Variants in SLC35E1 observed in about 807,000 individuals in gnomAD.
The protein encoded by SLC35E1 is solute carrier family 35, member E1.
A neutral mutation model predicts 31.0 loss-of-function variants in SLC35E1; 12 were observed. The observed-to-expected ratio is 0.39, with a 90% CI of 0.25 to 0.63. SLC35E1 has a LOEUF of 0.63. SLC35E1 is among the 20% of genes least tolerant of loss of function. The pLI, the probability that SLC35E1 is intolerant of heterozygous loss-of-function variation, is 0.52. For synonymous variants in SLC35E1, 257 were observed against 264.1 expected (o/e 0.97, Z 0.26); for missense variants, 429 against 572.2 (o/e 0.75, Z 2.55).
rs2085839693 is a variant in SLC35E1, at chr19:16,550,498, A to C, written c.*3181T>G. The C allele has an allele frequency of 6.6e-6, 1 of 152,344 alleles. No homozygotes were observed. Among genetic ancestry groups the C allele is most frequent in the African/African-American group, 2.4e-5 (1 of 41,456 alleles). The allele number at this position is 152,344 out of a possible 1,614,324, so 9.4% of individuals were successfully genotyped here. On this transcript the variant is annotated 3_prime_UTR_variant, in exon 6 of 6. Coordinates refer to ENST00000595753, the MANE Select transcript of SLC35E1 (RefSeq NM_024881.5). ...GTCATCCTAGCACTTTGGGAGGCCA[A>C]GGTGGGCGGATCATTTGAGGCCAGG...
At position 16,566,627 on chromosome 19, in the gene SLC35E1, G is replaced by A. The variant is rs2085933940; in HGVS notation, c.661C>T (p.Arg221Trp). 1.9e-6 allele frequency: 3 copies of A among 1,612,524 alleles called. No individual in the cohort carries two copies. Among genetic ancestry groups the A allele is most frequent in the South Asian group, 1.1e-5 (1 of 91,006 alleles). The change falls in exon 4 of 6, where the codon CGG becomes TGG. Residue 221 changes from arginine to tryptophan, a missense_variant. Physicochemically the swap from Arg to Trp is moderately radical, Grantham distance 101. Transcript: ENST00000595753. ...TGGCAGCCCAGGATGTTGAGCAGCC[G>A]GAGATGGTGGATCCGTGAATCTCGC... ...VLRDSRIHHLRLLNILGCHAV... is the reference protein window; with the variant it reads ...VLRDSRIHHLWLLNILGCHAV...
intron 4 of SLC35E1, among the ~76,000 whole-genome samples, chr19:16,558,775 T>C (rs1034767630): frequency 6.6e-6 from 1 of 150,514 alleles, no homozygotes. Context: ...TTGAGTTTTT[T>C]TTTTTTTTTT....
chr19:16,553,825 T>C lies in SLC35E1; in HGVS notation c.1087A>G (p.Ser363Gly). Residue 363 changes from serine (S) to glycine (G), a missense_variant, in exon 6 of 6, where the codon AGC becomes GGC. Coordinates refer to ENST00000595753, the MANE Select transcript of SLC35E1 (RefSeq NM_024881.5). Reference protein sequence around the residue: ...ADLSSKERHRSPLEKPHNGLL... With the variant: ...ADLSSKERHRGPLEKPHNGLL... The stretch of plus-strand genomic sequence containing the variant: ...CCGTTGTGGGGCTTCTCCAGTGGGC[T>C]CCGGTGACGCTCCTTGCTGCTCAGG... 1 of 1,614,046 alleles carries C rather than the reference T, an allele frequency of 6.2e-7. No individual in the cohort carries two copies. The highest frequency in any genetic ancestry group is 8.5e-7 in the Non-Finnish European group (1 of 1,179,980).
intron 2 of SLC35E1, 115 bp from the exon 3 acceptor site, chr19:16,568,284 A>C: frequency 7.6e-7 from 1 of 1,319,632 alleles, no homozygotes; most frequent in Admixed American, 2.7e-5. Flanking sequence ...ACCACCTAAC[A>C]CTTTGAAAGT....
chr19:16,566,395 G>T, intron 4 of SLC35E1, 137 bp downstream of exon 4: 5 of 1,169,674 alleles, frequency 4.3e-6, no homozygotes, highest in Non-Finnish European at 6.0e-6. Flanking sequence ...CATTACAGAG[G>T]ACTGACTGCT....
At chr19:16,566,365 C>A in intron 4 of SLC35E1, 167 bp downstream of exon 4, 1 of 841,246 alleles carries the variant, frequency 1.2e-6, no homozygotes, top group Non-Finnish European at 1.8e-6. Context: ...TCCTCGATGG[C>A]GTGCATCGTC....
rs1293120344 is a variant in SLC35E1, at chr19:16,553,192, A to G, written c.*487T>C. 6.6e-6 allele frequency: 1 copy of G among 152,396 alleles called. No homozygotes were observed. 9.4% of individuals were successfully genotyped at this position (152,396 alleles called of 1,614,324 possible). A position where few individuals can be genotyped will look rare whatever the true frequency, so the allele number is the denominator to read the frequency against. ...TCTGCTTGGTGACCCTGTTGGTCCT[A>G]TGCGTATCTGCGCCAGGGAATTAAA... On this transcript the variant is annotated 3_prime_UTR_variant, in exon 6 of 6. Transcript: ENST00000595753.
chr19:16,560,659 C>A (rs1296365717), intron 4 of SLC35E1, among the ~76,000 whole-genome samples: 1 of 151,946 alleles, frequency 6.6e-6, no homozygotes, highest in Non-Finnish European at 1.5e-5. Context: ...GTCAGGAGTT[C>A]GAGACCAGCC....
chr19:16,558,523 G>A (rs2085888049), intron 4 of SLC35E1, among the ~76,000 whole-genome samples: 1 of 151,850 alleles, frequency 6.6e-6, no homozygotes, highest in Non-Finnish European at 1.5e-5. Context: ...TTTTAGTAGA[G>A]GAGGAGTTTC....
At chr19:16,562,453 A>G (rs2085911653) in intron 4 of SLC35E1, among the ~76,000 whole-genome samples, 1 of 152,232 alleles carries the variant, frequency 6.6e-6, no homozygotes, top group African/African-American at 2.4e-5. Flanking sequence ...AAATCTACAG[A>G]TATTCAAGTC....
chr19:16,572,219 T>C lies in SLC35E1; in HGVS notation c.146A>G (p.Lys49Arg). The C allele has an allele frequency of 6.5e-7, 1 of 1,528,150 alleles. No individual in the cohort carries two copies. Among genetic ancestry groups the C allele is most frequent in the Non-Finnish European group, 8.8e-7 (1 of 1,136,766 alleles). 94.7% of individuals were successfully genotyped at this position (1,528,150 alleles called of 1,614,324 possible). Residue 49 changes from lysine to arginine, a missense_variant, in exon 1 of 6, where the codon AAG becomes AGG. Transcript: ENST00000595753. This position sits in a 1 kb window ranked among gnomAD's most constrained non-coding sequence, Gnocchi z 4.1. Reference protein sequence around the residue: ...ALSAGGNVVNKVILSAFPFPV... With the variant: ...ALSAGGNVVNRVILSAFPFPV... Reference sequence around the variant, plus strand: ...GAACGGGAAGGCGCTCAGGATCACCTTGTTGACCACGTTGCCGCCCGCGCT... The same window carrying C: ...GAACGGGAAGGCGCTCAGGATCACCCTGTTGACCACGTTGCCGCCCGCGCT...
intron 1 of SLC35E1, 109 bp from the exon 2 acceptor site, chr19:16,571,691 C>T: frequency 8.1e-7 from 1 of 1,227,000 alleles, no homozygotes; most frequent in South Asian, 1.2e-5. Context: ...CACCTCTTCG[C>T]CCCTTCTCTT....
chr19:16,571,386 A>G (rs1027578061), intron 2 of SLC35E1, 126 bp downstream of exon 2: 10 of 945,400 alleles, frequency 1.1e-5, no homozygotes, highest in Non-Finnish European at 1.7e-5. Context: ...AGACCTCTAC[A>G]CTGACTTCCC....
Position 16,572,269 on chromosome 19 carries a change from C to T in SLC35E1, c.96G>A (p.Ala32=). The T allele has an allele frequency of 6.7e-7, 1 of 1,499,776 alleles. No homozygotes were observed. Among genetic ancestry groups the T allele is most frequent in the South Asian group, 1.3e-5 (1 of 79,724 alleles). The allele number at this position is 1,499,776 out of a possible 1,614,324, so 92.9% of individuals were successfully genotyped here. A position where few individuals can be genotyped will look rare whatever the true frequency, so the allele number is the denominator to read the frequency against. The change falls in exon 1 of 6, where the codon GCG becomes GCA. Residue 32 remains alanine, a synonymous_variant. Coordinates refer to ENST00000595753, the MANE Select transcript of SLC35E1 (RefSeq NM_024881.5). This position sits in a 1 kb window ranked among gnomAD's most constrained non-coding sequence, Gnocchi z 4.1. ...TCAGCGCGTACCACAGCAGGCACAGCGCCGCCACCCGCGCGCCCTCGCGCG... is the reference window on the plus strand; with the variant it reads ...TCAGCGCGTACCACAGCAGGCACAGTGCCGCCACCCGCGCGCCCTCGCGCG... ...GGAREGARVA[A]LCLLWYALSA...
Position 16,553,606 on chromosome 19 carries a change from T to C in SLC35E1, c.*73A>G, listed in dbSNP as rs774836527. ...TCGGCTGGGTTGTACATTCACTGAT[T>C]GTCAGAAGTTTCTGATACTGCTGTG... On this transcript the variant is annotated 3_prime_UTR_variant, in exon 6 of 6. Transcript: ENST00000595753. The C allele has an allele frequency of 7.6e-7, 1 of 1,322,562 alleles. No individual in the cohort carries two copies. The highest frequency in any genetic ancestry group is 1.0e-6 in the Non-Finnish European group (1 of 983,890). The allele number at this position is 1,322,562 out of a possible 1,614,324, so 81.9% of individuals were successfully genotyped here.
At chr19:16,570,287 G>T (rs1171348956) in intron 2 of SLC35E1, among the ~76,000 whole-genome samples, 1 of 152,170 alleles carries the variant, frequency 6.6e-6, no homozygotes, top group African/African-American at 2.4e-5. Flanking sequence ...ACATCACCCT[G>T]GGGGAGCAGG....
chr19:16,570,950 T>G (rs953961661), intron 2 of SLC35E1, among the ~76,000 whole-genome samples: 2 of 151,868 alleles, frequency 1.3e-5, no homozygotes, highest in Non-Finnish European at 2.9e-5. Context: ...ACAAAAAAAT[T>G]AGCCAGGTGT....
At chr19:16,562,105 TTAC>T (rs1184638236) in intron 4 of SLC35E1, among the ~76,000 whole-genome samples, 11 of 149,848 alleles carry the variant, frequency 7.3e-5, no homozygotes, top group African/African-American at 2.7e-4. Context: ...ACTTAAGGTA[TTAC>T]AACAACAAAA....
chr19:16,564,000 G>A (rs150680488), intron 4 of SLC35E1, among the ~76,000 whole-genome samples: 7 of 152,356 alleles, frequency 4.6e-5, no homozygotes, highest in East Asian at 1.9e-4. Flanking sequence ...TCAACTGAAA[G>A]TGACGCTAAT....
Sources: allele counts gnomAD v4.1 joint callset (sites outside exome capture counted in the v4.1 genomes callset), GRCh38; gene constraint gnomAD v4.1.1; non-coding constraint Gnocchi (gnomAD v3.1); transcripts MANE v1.5; gene names NCBI Gene and HGNC (gene_info 2026-07-23, HGNC 2026-07-21).